WDR27: variants seen among roughly 807,000 people sequenced by gnomAD.
WDR27 encodes WD repeat domain 27, also known as WD repeat-containing protein 27.
Under a neutral mutation model 114.4 loss-of-function variants are expected in WDR27, and 100 were observed. The ratio of observed to expected loss-of-function variants is 0.87; its 90% CI spans 0.74 to 1.03. The LOEUF is 1.03. Among genes scored for constraint, WDR27 ranks in the 50% least tolerant of loss-of-function variants. The pLI is 0.00. For synonymous variants in WDR27, 449 were observed against 423.1 expected, an observed-to-expected ratio of 1.06 and a Z score of -0.75; for missense variants, 1,129 against 1,092.9, an observed-to-expected ratio of 1.03 and a Z score of -0.47.
chr6:169,478,400 A>AT (rs1787488707), intron 25 of WDR27, among the ~76,000 whole-genome samples: 2 of 152,142 alleles, frequency 1.3e-5, no homozygotes, highest in South Asian at 4.1e-4. Flanking sequence ...ATAAAATACG[A>AT]TTTTTGCATT....
At chr6:169,626,917 C>T (rs16888265) in intron 21 of WDR27, among the ~76,000 whole-genome samples, 6,909 of 152,288 alleles carry the variant, frequency 0.045, 455 homozygotes, top group African/African-American at 0.14. Context: ...GCCTGTGTCT[C>T]CGAGGAGCTG....
chr6:169,438,595 T>A, the WDR27 span, among the ~76,000 whole-genome samples: 1 of 152,210 alleles, frequency 6.6e-6, no homozygotes, highest in Admixed American at 6.5e-5. Flanking sequence ...GGTTTTCTTG[T>A]TTACTTTATT....
chr6:169,548,890 A>T (rs113739295), intron 25 of WDR27, among the ~76,000 whole-genome samples: 5,581 of 152,320 alleles, frequency 0.037, 265 homozygotes, highest in African/African-American at 0.11. Flanking sequence ...TACACCCTTC[A>T]CACAAAAGTT....
the WDR27 span, among the ~76,000 whole-genome samples, chr6:169,428,144 T>TA: frequency 6.6e-6 from 1 of 152,204 alleles, no homozygotes. Flanking sequence ...TTGTAATTTT[T>TA]ACTTTATCTT....
At chr6:169,439,956 A>G in the WDR27 span, among the ~76,000 whole-genome samples, 4 of 150,698 alleles carry the variant, frequency 2.7e-5, no homozygotes, top group African/African-American at 9.8e-5. Context: ...TTAATATATC[A>G]CATTTAAAAT....
chr6:169,578,313 G>A (rs1203784348), intron 24 of WDR27, among the ~76,000 whole-genome samples: 1 of 152,194 alleles, frequency 6.6e-6, no homozygotes, highest in Non-Finnish European at 1.5e-5. Context: ...AAAAACAATG[G>A]CACGGGCTTA....
At chr6:169,593,806 G>A (rs890595350) in intron 23 of WDR27, among the ~76,000 whole-genome samples, 7 of 152,018 alleles carry the variant, frequency 4.6e-5, no homozygotes, top group East Asian at 1.9e-4. Flanking sequence ...CTGAGATCGC[G>A]GCACTGAACT....
At chr6:169,472,207 A>G (rs1376378610) in intron 25 of WDR27, among the ~76,000 whole-genome samples, 1 of 152,200 alleles carries the variant, frequency 6.6e-6, no homozygotes, top group East Asian at 1.9e-4. Flanking sequence ...AAATAACAAT[A>G]ACAGGGCTTT....
At chr6:169,694,842 G>A (rs906890456) in intron 1 of WDR27, among the ~76,000 whole-genome samples, 14 of 152,224 alleles carry the variant, frequency 9.2e-5, no homozygotes, top group South Asian at 6.2e-4. Flanking sequence ...AGGGCGCTGC[G>A]GAAGAAAGCA....
intron 16 of WDR27, among the ~76,000 whole-genome samples, chr6:169,644,018 C>G (rs1046490050): frequency 6.6e-6 from 1 of 151,638 alleles, no homozygotes; most frequent in African/African-American, 2.4e-5. Flanking sequence ...AAGCCTAGTT[C>G]ACAGGAGTCA....
chr6:169,517,002 G>A (rs1462459835), intron 25 of WDR27, among the ~76,000 whole-genome samples: 1 of 152,124 alleles, frequency 6.6e-6, no homozygotes, highest in Admixed American at 6.6e-5. Flanking sequence ...GGCAGAAGGA[G>A]GGGTAGAATG....
At chr6:169,609,561 G>T (rs917403406) in intron 22 of WDR27, among the ~76,000 whole-genome samples, 1 of 152,212 alleles carries the variant, frequency 6.6e-6, no homozygotes, top group Non-Finnish European at 1.5e-5. Flanking sequence ...GAGCGGCTGG[G>T]ACACAGGGCA....
At chr6:169,432,521 A>G in the WDR27 span, among the ~76,000 whole-genome samples, 1 of 152,194 alleles carries the variant, frequency 6.6e-6, no homozygotes, top group Non-Finnish European at 1.5e-5. Flanking sequence ...GTGGTAATGA[A>G]TAAGTCCTAC....
chr6:169,515,600 G>A (rs1015544426), intron 25 of WDR27, among the ~76,000 whole-genome samples: 1 of 151,996 alleles, frequency 6.6e-6, no homozygotes, highest in Non-Finnish European at 1.5e-5. Context: ...AAAGTGTTCA[G>A]TAAAATCATA....
At chr6:169,665,878 C>G (rs1426045844) in intron 6 of WDR27, among the ~76,000 whole-genome samples, 1 of 152,228 alleles carries the variant, frequency 6.6e-6, no homozygotes, top group Non-Finnish European at 1.5e-5. Flanking sequence ...CACGGCCCAG[C>G]TCCGGCTGCT....
chr6:169,652,839 C>T (rs560735351), intron 13 of WDR27, among the ~76,000 whole-genome samples: 16 of 152,272 alleles, frequency 1.1e-4, no homozygotes, highest in South Asian at 8.3e-4. Flanking sequence ...TAAATGCTAT[C>T]GTTAGTTGCG....
At chr6:169,571,316 T>C (rs1210558858) in intron 25 of WDR27, among the ~76,000 whole-genome samples, 1 of 152,154 alleles carries the variant, frequency 6.6e-6, no homozygotes, top group East Asian at 1.9e-4. Flanking sequence ...ATTTAAAGTT[T>C]CCCAGAAGTT....
At position 169,492,587 on chromosome 6, in the gene WDR27, G is replaced by T. The variant is rs1384742612; in HGVS notation, c.2646-34953C>A. On this transcript the variant is annotated intron_variant, in intron 25 of 25. Transcript: ENST00000448612. ...TACCAAGCTAAATTATCATTTAGGT[G>T]TGAGGGCAAAATGAAGACATTTTCA... Among the ~76,000 whole-genome samples, 3 of 152,054 alleles carry T rather than the reference G, an allele frequency of 2.0e-5. No individual in the cohort carries two copies. The East Asian group carries it at 5.8e-4, about 29-fold the overall frequency.
chr6:169,658,447 C>A, intron 12 of WDR27, 89 bp from the exon 13 acceptor site: 1 of 945,074 alleles, frequency 1.1e-6, no homozygotes. Context: ...AAGACAGTTC[C>A]AAATGACTGA....
Sources: allele counts gnomAD v4.1 joint callset (sites outside exome capture counted in the v4.1 genomes callset), GRCh38; gene constraint gnomAD v4.1.1; transcripts MANE v1.5; gene names NCBI Gene and HGNC (gene_info 2026-07-23, HGNC 2026-07-21).